The following ACADM variants were observed in gnomAD, a reference collection of about 807,000 sequenced individuals.
The protein encoded by ACADM is medium-chain specific acyl-CoA dehydrogenase, mitochondrial.
A neutral mutation model predicts 58.9 loss-of-function variants in ACADM; 49 were observed. That is an observed-to-expected ratio of 0.83 (90% CI 0.66 to 1.06). The LOEUF (loss-of-function observed/expected upper bound fraction) is 1.06, where lower values mean the gene tolerates loss of function less well. Ranked by LOEUF, ACADM falls within the 50% of genes least tolerant of loss-of-function variation. ACADM has a pLI of 0.00. For synonymous variants in ACADM, 160 were observed against 157.7 expected (o/e 1.01, Z -0.11); for missense variants, 496 against 507.0 (o/e 0.98, Z 0.21).
intron 7 of ACADM, among the ~76,000 whole-genome samples, chr1:75,745,216 GT>G (rs1647828584): frequency 6.6e-6 from 1 of 152,158 alleles, no homozygotes; most frequent in Admixed American, 6.5e-5. Flanking sequence ...GCCAGGCATG[GT>G]GGCTCACACC....
chr1:75,738,026 C>T (rs888176760), intron 6 of ACADM, among the ~76,000 whole-genome samples: 2 of 149,474 alleles, frequency 1.3e-5, no homozygotes, highest in African/African-American at 4.9e-5. Flanking sequence ...AAGCGATTCT[C>T]CTGCCTCAGC....
At chr1:75,756,742 A>C (rs949404992) in intron 10 of ACADM, among the ~76,000 whole-genome samples, 1 of 152,140 alleles carries the variant, frequency 6.6e-6, no homozygotes, top group Non-Finnish European at 1.5e-5. Flanking sequence ...AAAAAAGCCC[A>C]CATTGCCCAG....
At position 75,742,097 on chromosome 1, in the gene ACADM, T is replaced by C. The variant is rs1316262904; in HGVS notation, c.599+1987T>C. Among the ~76,000 whole-genome samples, 3 of 152,292 alleles carry C rather than the reference T, an allele frequency of 2.0e-5. No individual in the cohort carries two copies. In the East Asian group the frequency reaches 5.8e-4, roughly 29 times the overall value. On this transcript the variant is annotated intron_variant, in intron 7 of 11. Transcript: ENST00000370841. The stretch of plus-strand genomic sequence containing the variant: ...TACTTTAGTTACAAGTTCTGAATAG[T>C]GAAGACAGAGTAGTAGATGCTGCAG...
intron 11 of ACADM, chr1:75,761,681 T>C (rs1044543939): frequency 2.2e-5 from 7 of 314,118 alleles, no homozygotes; most frequent in South Asian, 3.9e-5. Flanking sequence ...AGTATGCATG[T>C]CATTTAAAAT....
chr1:75,749,712 CTTTTTTTTTTTTT>C (rs35897798), intron 9 of ACADM, among the ~76,000 whole-genome samples, 153 bp downstream of exon 9: 2 of 118,162 alleles, frequency 1.7e-5, no homozygotes, highest in African/African-American at 3.4e-5. Context: ...ACTTTTCTTT[CTTTTTTTTTTTTT>C]TTTTTTGAGA....
chr1:75,758,617 A>G (rs1186065982), intron 10 of ACADM, among the ~76,000 whole-genome samples: 1 of 141,864 alleles, frequency 7.0e-6, no homozygotes, highest in Non-Finnish European at 1.6e-5. Flanking sequence ...AAATGCACTA[A>G]TCAGCACTCT....
rs529894272 is a variant in ACADM, at chr1:75,728,462, G to A, written c.92G>A (p.Arg31His). 29 of 1,613,244 alleles carry A rather than the reference G, an allele frequency of 1.8e-5. No homozygotes were observed. The South Asian group carries it at 2.9e-4, about 16-fold the overall frequency. Residue 31 changes from arginine to histidine, a missense_variant, in exon 2 of 12, where the codon CGT becomes CAT. Coordinates refer to ENST00000370841, the MANE Select transcript of ACADM (RefSeq NM_000016.6). ...RSQHTKANRQ[R>H]EPGLGFSFEF... ...CAGCATACAAAAGCCAATCGACAACGTGAACCAGGATTAGGATTTAGTTTT... is the reference window on the plus strand; with the variant it reads ...CAGCATACAAAAGCCAATCGACAACATGAACCAGGATTAGGATTTAGTTTT...
rs545340755 is a variant in ACADM, at chr1:75,739,436, A to G, written c.469-544A>G. On this transcript the variant is annotated intron_variant, in intron 6 of 11. Transcript: ENST00000370841. ...AATTGAATTTAATGAACTTGTTTAA[A>G]GCTATCTAACATTTTCACTTTTTAT... 1.9e-3 allele frequency among the ~76,000 whole-genome samples: 296 copies of G among 152,352 alleles called. 1 individual carries two copies. The highest frequency in any genetic ancestry group is 3.3e-3 in the Non-Finnish European group (225 of 68,038).
At position 75,743,347 on chromosome 1, in the gene ACADM, C is replaced by T. The variant is rs188436738; in HGVS notation, c.600-2459C>T. ...GCCTGTCACCAGGCTAACCTGGGAC[C>T]CATGAGGGGACAGGGAGAAGACTGG... On this transcript the variant is annotated intron_variant, in intron 7 of 11. Transcript: ENST00000370841. The T allele has an allele frequency of 3.9e-5, 60 of 1,536,474 alleles. No individual in the cohort carries two copies. The African/African-American group carries it at 7.6e-4, about 20-fold the overall frequency.
At chr1:75,755,961 G>A (rs186088990) in intron 10 of ACADM, among the ~76,000 whole-genome samples, 3 of 152,198 alleles carry the variant, frequency 2.0e-5, no homozygotes, top group Non-Finnish European at 4.4e-5. Flanking sequence ...CAGAACCAAC[G>A]ACAAAAACTT....
At position 75,724,748 on chromosome 1, in the gene ACADM, C is replaced by G. The variant is rs1212794243; in HGVS notation, c.-40C>G. The G allele has an allele frequency of 1.1e-5, 17 of 1,542,154 alleles. No homozygotes were observed. The highest frequency in any genetic ancestry group is 1.4e-5 in the African/African-American group (1 of 70,288). ...TTCGGGGAGTATGTCAAGGCCGTGA[C>G]CCGTGTATTATTGTCCGAGTGGCCG... On this transcript the variant is annotated 5_prime_UTR_variant, in exon 1 of 12. Transcript: ENST00000370841.
rs768452911 is a variant in ACADM, at chr1:75,728,461, C to T, written c.91C>T (p.Arg31Cys). The change falls in exon 2 of 12, where the codon CGT (arginine) becomes TGT (cysteine). Residue 31 changes from arginine to cysteine, a missense_variant. Transcript: ENST00000370841. The part of the protein sequence containing the change: ...RSQHTKANRQ[R>C]EPGLGFSFEF... ...ACAGCATACAAAAGCCAATCGACAACGTGAACCAGGATTAGGATTTAGTTT... is the reference window on the plus strand; with the variant it reads ...ACAGCATACAAAAGCCAATCGACAATGTGAACCAGGATTAGGATTTAGTTT... 1.5e-5 allele frequency: 25 copies of T among 1,613,218 alleles called. No homozygotes were observed. The highest frequency in any genetic ancestry group is 1.6e-4 in the Middle Eastern group (1 of 6,076).
At position 75,740,104 on chromosome 1, in the gene ACADM, C is replaced by T. The variant is rs1647485249; in HGVS notation, c.593C>T (p.Ala198Val). 6.2e-7 allele frequency: 1 copy of T among 1,610,350 alleles called. No homozygotes were observed. The highest frequency in any genetic ancestry group is 8.5e-7 in the Non-Finnish European group (1 of 1,177,444). Residue 198 changes from alanine to valine, a missense_variant, in exon 7 of 12, where the codon GCT becomes GTT. Transcript: ENST00000370841. ...ATGTGGATAACCAACGGAGGAAAAG[C>T]TAATTGGTATGTTGTTCAAAACATC... ...QKMWITNGGK[A>V]NWYFLLARSD... is the part of the protein sequence containing the mutation.
chr1:75,734,649 T>G, intron 5 of ACADM, 142 bp from the exon 6 acceptor site: 1 of 650,472 alleles, frequency 1.5e-6, no homozygotes, highest in Non-Finnish European at 2.7e-6. Context: ...TCATTCTAAC[T>G]TAGAGGCAAG....
intron 5 of ACADM, among the ~76,000 whole-genome samples, chr1:75,733,998 A>C (rs1015157201): frequency 6.6e-6 from 1 of 152,030 alleles, no homozygotes; most frequent in Non-Finnish European, 1.5e-5. Flanking sequence ...AAATTTAGCA[A>C]GCAATTCTTT....
chr1:75,744,942 G>A (rs1647808634), intron 7 of ACADM, among the ~76,000 whole-genome samples: 1 of 152,048 alleles, frequency 6.6e-6, no homozygotes, highest in Admixed American at 6.6e-5. Flanking sequence ...TACTATACCA[G>A]GAATTTTTAC....
At chr1:75,760,585 G>T (rs1431035221) in intron 10 of ACADM, among the ~76,000 whole-genome samples, 1 of 61,644 alleles carries the variant, frequency 1.6e-5, no homozygotes, top group Non-Finnish European at 3.8e-5. Flanking sequence ...AAAAAATCAG[G>T]CAAACTGAAA....
At chr1:75,729,942 T>G (rs751107855) in intron 2 of ACADM, among the ~76,000 whole-genome samples, 19 of 134,644 alleles carry the variant, frequency 1.4e-4, no homozygotes, top group Non-Finnish European at 2.6e-4. Flanking sequence ...TTGCTCAGGC[T>G]GGATTGCAGT....
chr1:75,726,143 C>T (rs985150449), intron 1 of ACADM, among the ~76,000 whole-genome samples: 2 of 152,160 alleles, frequency 1.3e-5, no homozygotes, highest in Admixed American at 6.5e-5. Context: ...TGCGGCGGCT[C>T]ACGGTTGTGA....
Sources: allele counts gnomAD v4.1 joint callset (sites outside exome capture counted in the v4.1 genomes callset), GRCh38; gene constraint gnomAD v4.1.1; transcripts MANE v1.5; gene names NCBI Gene and HGNC (gene_info 2026-07-23, HGNC 2026-07-21).